Variants in DST observed in about 807,000 individuals in gnomAD.
The protein encoded by DST is bullous pemphigoid antigen.
In DST, 253 loss-of-function variants were observed where a neutral mutation model predicts 875.2. The ratio of observed to expected loss-of-function variants is 0.29; its 90% CI spans 0.26 to 0.32. The LOEUF is 0.32. DST is among the 10% of genes least tolerant of loss of function. The pLI is 1.00. For synonymous variants in DST, 3,124 were observed against 3,197.1 expected (o/e 0.98, Z 0.77); for missense variants, 8,287 against 9,111.6 (o/e 0.91, Z 3.68).
chr6:56,936,783 C>A, intron 2 of DST, among the ~76,000 whole-genome samples: 1 of 151,342 alleles, frequency 6.6e-6, no homozygotes, highest in African/African-American at 2.4e-5. Context: ...AAGAGAATAC[C>A]AGAAACAACT....
At chr6:56,734,179 C>A (rs557438809) in intron 5 of DST, among the ~76,000 whole-genome samples, 1 of 152,310 alleles carries the variant, frequency 6.6e-6, no homozygotes, top group Admixed American at 6.5e-5. Flanking sequence ...GGGTTTCAAC[C>A]TTTTATCGCT....
intron 4 of DST, among the ~76,000 whole-genome samples, chr6:56,812,684 C>T (rs1050489808): frequency 6.6e-6 from 1 of 152,134 alleles, no homozygotes; most frequent in Non-Finnish European, 1.5e-5. Flanking sequence ...GAATATCAAA[C>T]CTCACAATAT....
rs542091946 is a variant in DST, at chr6:56,889,181, C to A, written c.417+11240G>T. Among the ~76,000 whole-genome samples, 4 of 152,356 alleles carry A rather than the reference C, an allele frequency of 2.6e-5. No homozygotes were observed. In the South Asian group the frequency reaches 8.3e-4, roughly 32 times the overall value. ...ATCAAATTCATTTTCGGAGTCATCCCACCCAGTCTTATAGATTTAATAACA... is the reference window on the plus strand; with the variant it reads ...ATCAAATTCATTTTCGGAGTCATCCAACCCAGTCTTATAGATTTAATAACA... On this transcript the variant is annotated intron_variant, in intron 3 of 103. Coordinates refer to ENST00000680361, the MANE Select transcript of DST (RefSeq NM_001374736.1).
chr6:56,599,468 T>A lies in DST; in HGVS notation c.11694+601A>T, dbSNP rs1349207802. Among the ~76,000 whole-genome samples the A allele has an allele frequency of 1.4e-4, 22 of 152,122 alleles. 1 individual carries two copies. The highest frequency in any genetic ancestry group is 1.4e-3 in the Admixed American group (21 of 15,250). On this transcript the variant is annotated intron_variant, in intron 45 of 103. Coordinates refer to ENST00000680361, the MANE Select transcript of DST (RefSeq NM_001374736.1). ...GTGACTTACACAATATTTACTTAAC[T>A]TTTATAATAATGTAACAAAGTGTGA...
chr6:56,809,475 T>C (rs1039478399), intron 4 of DST, among the ~76,000 whole-genome samples: 2 of 152,220 alleles, frequency 1.3e-5, no homozygotes, highest in African/African-American at 4.8e-5. Flanking sequence ...TAATAATGAA[T>C]ATTGCCATCT....
In DST at chr6:56,553,580, G is replaced by C. The variant is rs746508893; in HGVS notation, c.15212C>G (p.Ala5071Gly). Reference sequence around the variant, plus strand: ...CTCTTCTTTCTTTGTATCCAGCCAAGCCTGAAAATCTCTAGACATTTGCTG... The same window carrying C: ...CTCTTCTTTCTTTGTATCCAGCCAACCCTGAAAATCTCTAGACATTTGCTG... ...QFQQMSRDFQ[A>G]WLDTKKEEQN... Residue 5071 changes from alanine to glycine, a missense_variant, in exon 61 of 104, where the codon GCT becomes GGT. Physicochemically the swap from Ala to Gly is moderately conservative, Grantham distance 60. Transcript: ENST00000680361. 1.2e-6 allele frequency: 2 copies of C among 1,613,846 alleles called. No homozygotes were observed. Among genetic ancestry groups the C allele is most frequent in the Non-Finnish European group, 1.7e-6 (2 of 1,179,840 alleles).
intron 2 of DST, among the ~76,000 whole-genome samples, chr6:56,905,655 T>G (rs1190195108): frequency 1.1e-4 from 16 of 143,784 alleles, no homozygotes; most frequent in African/African-American, 3.7e-4. Context: ...TTTCTCTACT[T>G]TTTTTTTTTT....
chr6:56,914,828 T>A lies in DST; in HGVS notation c.217-14207A>T, dbSNP rs80335746. Among the ~76,000 whole-genome samples, 654 of 152,098 alleles carry A rather than the reference T, an allele frequency of 4.3e-3. 4 individuals carry two copies. The highest frequency in any genetic ancestry group is 7.4e-3 in the Non-Finnish European group (505 of 67,982). On this transcript the variant is annotated intron_variant, in intron 2 of 103. Coordinates refer to ENST00000680361, the MANE Select transcript of DST (RefSeq NM_001374736.1). ...GGCAAAACACTGGGCAATATACACA[T>A]CAAAAACAGGTAACAGTAACCATAT...
At chr6:56,897,220 T>C (rs1237888773) in intron 3 of DST, among the ~76,000 whole-genome samples, 2 of 151,696 alleles carry the variant, frequency 1.3e-5, no homozygotes, top group Non-Finnish European at 2.9e-5. Flanking sequence ...AAGGGTGTCC[T>C]TTCCCTTATT....
At chr6:56,903,206 T>A (rs192599357) in intron 2 of DST, among the ~76,000 whole-genome samples, 2 of 152,302 alleles carry the variant, frequency 1.3e-5, no homozygotes, top group Admixed American at 1.3e-4. Flanking sequence ...TAGATTCTCT[T>A]ATGAGTAATA....
chr6:56,507,635 C>A (rs2096361982), intron 75 of DST, among the ~76,000 whole-genome samples: 1 of 152,142 alleles, frequency 6.6e-6, no homozygotes, highest in African/African-American at 2.4e-5. Flanking sequence ...AAATAAGATG[C>A]GCAAAGGCAC....
intron 10 of DST, among the ~76,000 whole-genome samples, chr6:56,652,369 C>A (rs898879463): frequency 6.6e-6 from 1 of 152,118 alleles, no homozygotes; most frequent in African/African-American, 2.4e-5. Context: ...ACAGGAAAGC[C>A]TTCAAAGAGT....
At chr6:56,627,600 G>A (rs555150529) in intron 33 of DST, among the ~76,000 whole-genome samples, 3 of 152,212 alleles carry the variant, frequency 2.0e-5, no homozygotes, top group Admixed American at 2.0e-4. Context: ...CCCTAAGATA[G>A]AACAAAAATC....
At chr6:56,581,064 A>T (rs1331209745) in intron 49 of DST, among the ~76,000 whole-genome samples, 1 of 150,808 alleles carries the variant, frequency 6.6e-6, no homozygotes, top group African/African-American at 2.4e-5. Context: ...AAAAAAAAAA[A>T]AAAAAAAAAA....
chr6:56,595,779 A>ACCCCCCCCCCCCCCCCC (rs559086079), intron 47 of DST, among the ~76,000 whole-genome samples: 1 of 144,528 alleles, frequency 6.9e-6, no homozygotes, highest in African/African-American at 2.9e-5. Flanking sequence ...TTCATATGCT[A>ACCCCCCCCCCCCCCCCC]CCCCCACCCC....
intron 4 of DST, among the ~76,000 whole-genome samples, chr6:56,744,914 C>T (rs543985873): frequency 4.6e-5 from 7 of 152,296 alleles, no homozygotes; most frequent in African/African-American, 1.7e-4. Context: ...CCCACAGGAA[C>T]ATCATTATGG....
At chr6:56,482,598 C>A (rs1175515665) in intron 89 of DST, 85 bp downstream of exon 89, 1 of 1,369,528 alleles carries the variant, frequency 7.3e-7, no homozygotes, top group South Asian at 1.4e-5. Context: ...GACACGAGGG[C>A]CTCACAATTT....
chr6:56,672,122 A>T (rs2099104753), intron 9 of DST, among the ~76,000 whole-genome samples: 1 of 152,184 alleles, frequency 6.6e-6, no homozygotes, highest in Non-Finnish European at 1.5e-5. Flanking sequence ...CCAGGCTCAG[A>T]CAGGAAGCCC....
At chr6:56,543,344 C>T (rs1448846636) in intron 61 of DST, among the ~76,000 whole-genome samples, 1 of 152,178 alleles carries the variant, frequency 6.6e-6, no homozygotes, top group African/African-American at 2.4e-5. Flanking sequence ...TCTAACTGTT[C>T]TCCAGAGTAA....
Sources: gnomAD v4.1 joint callset for allele counts (sites outside exome capture counted in the v4.1 genomes callset) on GRCh38, gnomAD v4.1.1 for gene constraint, MANE v1.5 for transcripts, NCBI Gene and HGNC (gene_info 2026-07-23, HGNC 2026-07-21) for gene names.